ALDH1A3: variants seen among roughly 807,000 people sequenced by gnomAD.
ALDH1A3 encodes retinaldehyde dehydrogenase 3.
Under a neutral mutation model 57.5 loss-of-function variants are expected in ALDH1A3, and 28 were observed. The ratio of observed to expected loss-of-function variants is 0.49; its 90% CI spans 0.36 to 0.67. ALDH1A3 has a LOEUF of 0.67. ALDH1A3 is among the 30% of genes least tolerant of loss of function. The pLI is 0.00. For synonymous variants in ALDH1A3, 281 were observed against 264.8 expected, an observed-to-expected ratio of 1.06 and a Z score of -0.59; for missense variants, 507 against 669.4, an observed-to-expected ratio of 0.76 and a Z score of 2.68.
In ALDH1A3 at chr15:100,893,200, G is replaced by C; in HGVS notation, c.537+194G>C. 3 of 477,088 alleles carry C rather than the reference G, an allele frequency of 6.3e-6. No individual in the cohort carries two copies. Among genetic ancestry groups the C allele is most frequent in the Admixed American group, 3.6e-5 (1 of 28,114 alleles). The allele number at this position is 477,088 out of a possible 1,614,324, so 29.6% of individuals were successfully genotyped here. ...CCCCATTTCTGCTCTCCTAAGACCG[G>C]CTTTAGGCATGCCACAGAAAGCACT... On this transcript the variant is annotated intron_variant, in intron 5 of 12. Transcript: ENST00000329841. The surrounding 1 kb of genome is among the most constrained non-coding windows in gnomAD (Gnocchi z 4.8).
intron 1 of ALDH1A3, 169 bp downstream of exon 1, chr15:100,880,175 C>T: frequency 2.3e-6 from 1 of 426,084 alleles, no homozygotes. Context: ...TTTCGCGGGA[C>T]GTCTCGGGCG....
In ALDH1A3 at chr15:100,905,624, G is replaced by T; in HGVS notation, c.1170G>T (p.Gly390=). The T allele has an allele frequency of 1.2e-6, 2 of 1,612,674 alleles. No homozygotes were observed. The highest frequency in any genetic ancestry group is 1.7e-6 in the Non-Finnish European group (2 of 1,179,312). ...GGGGCTCAGCCATGGAAGACAAGGG[G>T]CTCTTCATCAAACCCACTGTCTTCT... The part of the protein sequence containing the change: ...ECGGSAMEDK[G]LFIKPTVFSE... The change falls in exon 10 of 13, where the codon GGG becomes GGT. Residue 390 remains glycine, a synonymous_variant. Coordinates refer to ENST00000329841, the MANE Select transcript of ALDH1A3 (RefSeq NM_000693.4).
intron 11 of ALDH1A3, among the ~76,000 whole-genome samples, chr15:100,908,147 C>G (rs1169975421): frequency 6.6e-6 from 1 of 152,118 alleles, no homozygotes; most frequent in African/African-American, 2.4e-5. Flanking sequence ...TCATGCCTGG[C>G]CCTCTCTTCT....
At chr15:100,910,185 C>T (rs544231530) in intron 12 of ALDH1A3, among the ~76,000 whole-genome samples, 1 of 152,366 alleles carries the variant, frequency 6.6e-6, no homozygotes, top group Non-Finnish European at 1.5e-5. Context: ...TACTCCAAGG[C>T]GTCTGCACTT....
At chr15:100,909,322 C>T (rs2041858933) in intron 12 of ALDH1A3, among the ~76,000 whole-genome samples, 1 of 140,374 alleles carries the variant, frequency 7.1e-6, no homozygotes. Flanking sequence ...CCACTGCAAA[C>T]TCCTCCGTGT....
intron 1 of ALDH1A3, chr15:100,881,420 T>C (rs1446683705): frequency 6.6e-6 from 1 of 152,138 alleles, no homozygotes; most frequent in Admixed American, 6.5e-5. Flanking sequence ...GATGGTTAAG[T>C]GGGGAGGTTG....
Position 100,879,920 on chromosome 15 carries a change from A to G in ALDH1A3, c.13A>G (p.Asn5Asp). The change falls in exon 1 of 13, where the codon AAC (asparagine) becomes GAC (aspartate). Residue 5 changes from asparagine (N) to aspartate (D), a missense_variant. Asn to Asp is a conservative substitution (Grantham distance 23, BLOSUM62 1). Around this residue, in one of 2 missense-constraint regions of ALDH1A3, gnomAD observed 75 missense variants for 61.0 expected, o/e 1.23. Coordinates refer to ENST00000329841, the MANE Select transcript of ALDH1A3 (RefSeq NM_000693.4). ...GCGCGGAGGAGCCATGGCCACCGCT[A>G]ACGGGGCCGTGGAAAACGGGCAGCC... The part of the protein sequence containing the change: MATA[N>D]GAVENGQPDR... 6.8e-7 allele frequency: 1 copy of G among 1,462,048 alleles called. No individual in the cohort carries two copies. Among genetic ancestry groups the G allele is most frequent in the African/African-American group, 1.5e-5 (1 of 67,988 alleles). The allele number at this position is 1,462,048 out of a possible 1,614,324, so 90.6% of individuals were successfully genotyped here.
intron 1 of ALDH1A3, among the ~76,000 whole-genome samples, chr15:100,884,550 C>T (rs998504212): frequency 8.3e-5 from 12 of 144,136 alleles, no homozygotes; most frequent in South Asian, 4.4e-4. Context: ...TATCAAGCTT[C>T]GGAGGTTTTT....
chr15:100,880,580 T>C (rs1272021539), intron 1 of ALDH1A3: 1 of 191,426 alleles, frequency 5.2e-6, no homozygotes, highest in Non-Finnish European at 1.1e-5. Flanking sequence ...CGAGGAGGAG[T>C]AGGAAGGTGC....
chr15:100,896,103 G>T, intron 7 of ALDH1A3, 57 bp downstream of exon 7: 1 of 1,335,412 alleles, frequency 7.5e-7, no homozygotes, highest in Non-Finnish European at 1.1e-6. Flanking sequence ...TTTGACACCC[G>T]TGAGCTTTTC....
At chr15:100,886,369 G>A (rs1228791618) in intron 2 of ALDH1A3, among the ~76,000 whole-genome samples, 1 of 152,240 alleles carries the variant, frequency 6.6e-6, no homozygotes, top group Non-Finnish European at 1.5e-5. Flanking sequence ...ACAGGTGCTA[G>A]GAGGAGAACG....
chr15:100,907,255 T>C lies in ALDH1A3; in HGVS notation c.1368T>C (p.Ser456=). Residue 456 remains serine, a synonymous_variant, in exon 11 of 13, where the codon TCT becomes TCC. Coordinates refer to ENST00000329841, the MANE Select transcript of ALDH1A3 (RefSeq NM_000693.4). ...KNLDKALKLA[S]ALESGTVWIN... is the part of the protein sequence containing the mutation. ...TCGACAAAGCCCTGAAGTTGGCTTC[T>C]GCCTTAGAGTCTGGAACGGTCTGGT... The C allele has an allele frequency of 6.2e-7, 1 of 1,614,272 alleles. No individual in the cohort carries two copies. The highest frequency in any genetic ancestry group is 8.5e-7 in the Non-Finnish European group (1 of 1,180,042).
In ALDH1A3 at chr15:100,915,663, G is replaced by A. The variant is rs892039027; in HGVS notation, c.*890G>A. 1 of 152,164 alleles carries A rather than the reference G, an allele frequency of 6.6e-6. No individual in the cohort carries two copies. Among genetic ancestry groups the A allele is most frequent in the Admixed American group, 6.5e-5 (1 of 15,274 alleles). 9.4% of individuals were successfully genotyped at this position (152,164 alleles called of 1,614,324 possible). On this transcript the variant is annotated 3_prime_UTR_variant, in exon 13 of 13. Transcript: ENST00000329841. ...TTAACAAATTACGCATTTCTATCAC[G>A]TTCACTAACAGCTTATGATAAGTCT...
rs1016042633 is a variant in ALDH1A3, at chr15:100,879,849, C to T, written c.-59C>T. ...CCCCGGGAGCGGGCTGCGCAGTGTC[C>T]GGGCCGAGCCGGTGCGCCGCAGACT... is the stretch of plus-strand genomic sequence containing the variant. On this transcript the variant is annotated 5_prime_UTR_variant, in exon 1 of 13. Transcript: ENST00000329841. 3.0e-5 allele frequency: 37 copies of T among 1,251,926 alleles called. No individual in the cohort carries two copies. Among genetic ancestry groups the T allele is most frequent in the South Asian group, 1.3e-4 (6 of 47,390 alleles). The allele number at this position is 1,251,926 out of a possible 1,614,324, so 77.6% of individuals were successfully genotyped here.
chr15:100,891,945 GA>G, intron 3 of ALDH1A3: 1 of 155,340 alleles, frequency 6.4e-6, no homozygotes, highest in Non-Finnish European at 1.4e-5. Context: ...GTGCAGGAGG[GA>G]AGGATTGCAT....
intron 1 of ALDH1A3, chr15:100,881,426 G>A (rs1346009749): frequency 6.6e-6 from 1 of 152,154 alleles, no homozygotes; most frequent in Non-Finnish European, 1.5e-5. Flanking sequence ...TAAGTGGGGA[G>A]GTTGTTTGTT....
chr15:100,896,114 C>T (rs2041701005), intron 7 of ALDH1A3, 68 bp downstream of exon 7: 5 of 1,164,874 alleles, frequency 4.3e-6, no homozygotes, highest in Non-Finnish European at 6.3e-6. Flanking sequence ...TGAGCTTTTC[C>T]TTTGACAGGC....
intron 8 of ALDH1A3, among the ~76,000 whole-genome samples, chr15:100,899,456 C>T (rs951768544): frequency 6.6e-6 from 1 of 152,148 alleles, no homozygotes; most frequent in African/African-American, 2.4e-5. Context: ...GTTTTACTTA[C>T]GAGGGTCATA....
chr15:100,880,062 G>C, intron 1 of ALDH1A3, 56 bp downstream of exon 1: 1 of 1,279,034 alleles, frequency 7.8e-7, no homozygotes, highest in Non-Finnish European at 1.0e-6. Flanking sequence ...TGGGCAGCCA[G>C]ACTCGGGGCG....
Sources: allele counts gnomAD v4.1 joint callset (sites outside exome capture counted in the v4.1 genomes callset), GRCh38; gene constraint gnomAD v4.1.1; regional missense constraint gnomAD v4.1.1; non-coding constraint Gnocchi (gnomAD v3.1); transcripts MANE v1.5; gene names NCBI Gene and HGNC (gene_info 2026-07-23, HGNC 2026-07-21).